Variants in LEMD3 observed in about 807,000 individuals in gnomAD.
LEMD3 encodes inner nuclear membrane protein Man1.
LEMD3 carries 33 observed loss-of-function variants against 95.2 expected under a neutral mutation model. The ratio of observed to expected loss-of-function variants is 0.35; its 90% confidence interval spans 0.26 to 0.46. The LOEUF (loss-of-function observed/expected upper bound fraction) is 0.46, where lower values mean the gene tolerates loss of function less well. Among genes scored for constraint, LEMD3 ranks in the 20% least tolerant of loss-of-function variants. The pLI is 1.00. For synonymous variants in LEMD3, 525 were observed against 474.6 expected, an observed-to-expected ratio of 1.11 and a Z score of -1.38; for missense variants, 1,210 against 1,192.8, an observed-to-expected ratio of 1.01 and a Z score of -0.21.
chr12:65,243,282 C>A (rs1356869232), intron 9 of LEMD3, 106 bp from the exon 10 acceptor site: 2 of 747,548 alleles, frequency 2.7e-6, no homozygotes, highest in African/African-American at 3.4e-5. Context: ...GGGTCTGGCT[C>A]CTAGTAAAAG....
Position 65,169,668 on chromosome 12 carries a change from C to T in LEMD3, c.72C>T (p.Tyr24=), listed in dbSNP as rs549481418. The change falls in exon 1 of 13, where the codon TAC becomes TAT. Residue 24 remains tyrosine, a synonymous_variant. Transcript: ENST00000308330. ...AGCTTTTCTCTCAGCTCCGCCGTTA[C>T]GGCCTGTCTCCCGGACCAGTGACGG... ...DEELFSQLRR[Y]GLSPGPVTES... 4 of 1,586,396 alleles carry T rather than the reference C, an allele frequency of 2.5e-6. 1 individual carries two copies. The highest frequency in any genetic ancestry group is 2.3e-5 in the South Asian group (2 of 87,234).
chr12:65,221,758 T>C (rs1297044517), intron 4 of LEMD3, among the ~76,000 whole-genome samples: 1 of 143,364 alleles, frequency 7.0e-6, no homozygotes, highest in East Asian at 2.1e-4. Flanking sequence ...TTTTTTTCCT[T>C]GAGACAGAGT....
intron 1 of LEMD3, among the ~76,000 whole-genome samples, chr12:65,210,047 AAGG>A (rs1022149050): frequency 2.6e-5 from 4 of 152,082 alleles, no homozygotes; most frequent in Admixed American, 1.3e-4. Context: ...ACAAAATGAT[AAGG>A]AGAAGACTCT....
chr12:65,226,592 A>G (rs546772968), intron 4 of LEMD3, among the ~76,000 whole-genome samples: 1 of 152,332 alleles, frequency 6.6e-6, no homozygotes, highest in South Asian at 2.1e-4. Context: ...AAAGAGAAAT[A>G]TTGACTGAGT....
At chr12:65,237,252 T>A (rs1870800008) in intron 4 of LEMD3, among the ~76,000 whole-genome samples, 1 of 152,190 alleles carries the variant, frequency 6.6e-6, no homozygotes, top group Non-Finnish European at 1.5e-5. Context: ...TTTATAAATC[T>A]CTTAAATGTG....
chr12:65,219,033 C>CTGCAT (rs1870199853), intron 4 of LEMD3, among the ~76,000 whole-genome samples: 1 of 152,128 alleles, frequency 6.6e-6, no homozygotes, highest in South Asian at 2.1e-4. Flanking sequence ...CTCAAGTGAT[C>CTGCAT]TGCATGCCTT....
At chr12:65,228,659 G>A (rs1870532850) in intron 4 of LEMD3, among the ~76,000 whole-genome samples, 1 of 152,208 alleles carries the variant, frequency 6.6e-6, no homozygotes, top group East Asian at 1.9e-4. Context: ...GCCTCCCAGG[G>A]TGCTGGGATT....
chr12:65,174,485 A>G (rs763151866), intron 1 of LEMD3, among the ~76,000 whole-genome samples: 49 of 152,148 alleles, frequency 3.2e-4, no homozygotes, highest in Non-Finnish European at 5.1e-4. Context: ...TTTCAATTAC[A>G]AAAGACATGA....
At chr12:65,194,534 AGTCAAGG>A (rs1282193293) in intron 1 of LEMD3, among the ~76,000 whole-genome samples, 2 of 151,592 alleles carry the variant, frequency 1.3e-5, no homozygotes, top group African/African-American at 4.9e-5. Context: ...GGACCTGTTG[AGTCAAGG>A]GTCGTGGGTC....
Position 65,170,658 on chromosome 12 carries a change from T to G in LEMD3, c.1062T>G (p.Val354=), listed in dbSNP as rs1868511374. Residue 354 remains valine, a synonymous_variant, in exon 1 of 13, where the codon GTT becomes GTG. Coordinates refer to ENST00000308330, the MANE Select transcript of LEMD3 (RefSeq NM_014319.5). ...GTGATCAAGTGGACTCCAGCCCCGT[T>G]CCTAGATACCGTGTTAACGCTAAGA... ...GGCDQVDSSP[V]PRYRVNAKKL... The G allele has an allele frequency of 1.2e-6, 2 of 1,614,194 alleles. No homozygotes were observed. The highest frequency in any genetic ancestry group is 1.3e-5 in the African/African-American group (1 of 75,056).
intron 1 of LEMD3, among the ~76,000 whole-genome samples, chr12:65,175,394 C>T (rs2136316116): frequency 6.6e-6 from 1 of 152,244 alleles, no homozygotes; most frequent in Non-Finnish European, 1.5e-5. Context: ...AGTTGTTACT[C>T]TTCTCAAACT....
rs1375720447 is a variant in LEMD3, at chr12:65,247,355, A to G, written c.*1030A>G. 2 of 152,564 alleles carry G rather than the reference A, an allele frequency of 1.3e-5. No individual in the cohort carries two copies. Among genetic ancestry groups the G allele is most frequent in the African/African-American group, 4.8e-5 (2 of 41,444 alleles). The allele number at this position is 152,564 out of a possible 1,614,324, so 9.5% of individuals were successfully genotyped here. On this transcript the variant is annotated 3_prime_UTR_variant, in exon 13 of 13. Coordinates refer to ENST00000308330, the MANE Select transcript of LEMD3 (RefSeq NM_014319.5). ...ATTTTCCCAATCTATTTATAATTTA[A>G]TGATATGTTAGTGCCTCTGTTATAT... is the stretch of plus-strand genomic sequence containing the variant.
intron 1 of LEMD3, among the ~76,000 whole-genome samples, chr12:65,203,677 A>G (rs1869673825): frequency 6.6e-6 from 1 of 152,124 alleles, no homozygotes; most frequent in South Asian, 2.1e-4. Flanking sequence ...GTTGAGTTCA[A>G]CTATGCTTAC....
chr12:65,245,752 C>T lies in LEMD3; in HGVS notation c.2471C>T (p.Ala824Val), dbSNP rs763543576. 1 of 1,613,512 alleles carries T rather than the reference C, an allele frequency of 6.2e-7. No individual in the cohort carries two copies. Among genetic ancestry groups the T allele is most frequent in the Non-Finnish European group, 8.5e-7 (1 of 1,179,590 alleles). Reference protein sequence around the residue: ...CSDNDGIVHIAVDKNSREGCV... With the variant: ...CSDNDGIVHIVVDKNSREGCV... ...GATAATGATGGCATTGTTCACATTG[C>T]AGTAGACAAAAATTCACGTGAGGTA... Residue 824 changes from alanine (A) to valine (V), a missense_variant, in exon 11 of 13, where the codon GCA (alanine) becomes GTA (valine). Ala to Val is a moderately conservative substitution (Grantham distance 64, BLOSUM62 0). Coordinates refer to ENST00000308330, the MANE Select transcript of LEMD3 (RefSeq NM_014319.5).
At chr12:65,200,384 C>A (rs1357476790) in intron 1 of LEMD3, among the ~76,000 whole-genome samples, 2 of 152,102 alleles carry the variant, frequency 1.3e-5, no homozygotes, top group African/African-American at 4.8e-5. Context: ...TAAATCTGTG[C>A]TTTCGTTGCT....
At chr12:65,229,331 C>T (rs1016800610) in intron 4 of LEMD3, among the ~76,000 whole-genome samples, 21 of 152,124 alleles carry the variant, frequency 1.4e-4, no homozygotes, top group Admixed American at 2.0e-4. Flanking sequence ...GTTAATAATG[C>T]GGCAATAAAT....
chr12:65,220,166 T>A (rs1188454060), intron 4 of LEMD3, among the ~76,000 whole-genome samples: 1 of 152,214 alleles, frequency 6.6e-6, no homozygotes, highest in Non-Finnish European at 1.5e-5. Flanking sequence ...TTCTTTCCAA[T>A]AGTATAGTAG....
At chr12:65,210,849 G>A in intron 1 of LEMD3, 77 bp from the exon 2 acceptor site, 1 of 1,062,830 alleles carries the variant, frequency 9.4e-7, no homozygotes, top group East Asian at 2.4e-5. Flanking sequence ...GTACATGCTG[G>A]CATTTCAGAG....
chr12:65,170,736 T>TTCG lies in LEMD3; in HGVS notation c.1143_1145dup (p.Ser382dup), dbSNP rs1376751787. On this transcript the variant is annotated inframe_insertion, in exon 1 of 13. Coordinates refer to ENST00000308330, the MANE Select transcript of LEMD3 (RefSeq NM_014319.5). Reference sequence around the variant, plus strand: ...TTACTGACATGGACTCAACCTTGGATTCGTCAACAGGCTCCCTTCTGAAAA... The same window carrying TTCG: ...TTACTGACATGGACTCAACCTTGGATTCGTCGTCAACAGGCTCCCTTCTGAAAA... 6.2e-7 allele frequency: 1 copy of TTCG among 1,614,086 alleles called. No homozygotes were observed. Among genetic ancestry groups the TTCG allele is most frequent in the Non-Finnish European group, 8.5e-7 (1 of 1,180,048 alleles).
Sources: allele counts gnomAD v4.1 joint callset (sites outside exome capture counted in the v4.1 genomes callset), GRCh38; gene constraint gnomAD v4.1.1; transcripts MANE v1.5; gene names NCBI Gene and HGNC (gene_info 2026-07-23, HGNC 2026-07-21).